CYRIA: variants seen among roughly 807,000 people sequenced by gnomAD.
CYRIA encodes CYFIP-related Rac1 interactor A.
In CYRIA, 15 loss-of-function variants were observed where a neutral mutation model predicts 43.9. The ratio of observed to expected loss-of-function variants is 0.34; its 90% CI spans 0.23 to 0.53. CYRIA has a LOEUF of 0.53. Ranked by LOEUF, CYRIA falls within the 20% of genes least tolerant of loss-of-function variation. The pLI is 0.94. For synonymous variants in CYRIA, 117 were observed against 136.0 expected, an observed-to-expected ratio of 0.86 and a Z score of 0.97; for missense variants, 236 against 394.2, an observed-to-expected ratio of 0.60 and a Z score of 3.40.
intron 2 of CYRIA, among the ~76,000 whole-genome samples, chr2:16,610,053 T>C: frequency 6.6e-6 from 1 of 152,194 alleles, no homozygotes; most frequent in East Asian, 1.9e-4. Flanking sequence ...CAACAAAAAA[T>C]GCAATTGAGT....
intron 1 of CYRIA, among the ~76,000 whole-genome samples, chr2:16,636,879 G>A (rs988888325): frequency 3.3e-5 from 5 of 152,210 alleles, no homozygotes; most frequent in Non-Finnish European, 5.9e-5. Context: ...GGAAGGCTGA[G>A]GTGGCAGAAT....
chr2:16,645,128 C>T (rs182257735), intron 1 of CYRIA, among the ~76,000 whole-genome samples: 4 of 152,240 alleles, frequency 2.6e-5, no homozygotes, highest in African/African-American at 4.8e-5. Flanking sequence ...TGAGAATCAA[C>T]GTTCTTTTCA....
At chr2:16,554,768 A>C (rs1218579269) in intron 11 of CYRIA, among the ~76,000 whole-genome samples, 1 of 152,198 alleles carries the variant, frequency 6.6e-6, no homozygotes, top group East Asian at 1.9e-4. Context: ...GCCCCAAAGC[A>C]GTGTGGCTGA....
Position 16,641,412 on chromosome 2 carries a change from C to A in CYRIA, c.-166-17393G>T, listed in dbSNP as rs965533534. On this transcript the variant is annotated intron_variant, in intron 1 of 11. Coordinates refer to ENST00000381323, the MANE Select transcript of CYRIA (RefSeq NM_030797.4). Reference sequence around the variant, plus strand: ...CCCTTTTTCTAAAATATTCTTCTTTCTCCTCCATTTGTTTAATTCTAAATC... The same window carrying A: ...CCCTTTTTCTAAAATATTCTTCTTTATCCTCCATTTGTTTAATTCTAAATC... Among the ~76,000 whole-genome samples, 41 of 152,242 alleles carry A rather than the reference C, an allele frequency of 2.7e-4. 1 individual carries two copies. The highest frequency in any genetic ancestry group is 2.6e-4 in the Non-Finnish European group (18 of 68,024).
chr2:16,561,475 T>A lies in CYRIA; in HGVS notation c.494A>T (p.Asn165Ile), dbSNP rs138219641. Residue 165 changes from asparagine (N) to isoleucine (I), a missense_variant, in exon 7 of 12, where the codon AAC (asparagine) becomes ATC (isoleucine). By Grantham distance (149) the Asn-to-Ile change is moderately radical. Transcript: ENST00000381323. ...ACTCACGTGCATGTTGTTGATGCGG[T>A]TGCGACTGATTGTTCTTCTGTAGTA... ...FSYYRRTISR[N>I]RINNMHLDIE... 1.9e-6 allele frequency: 3 copies of A among 1,613,704 alleles called. No individual in the cohort carries two copies. The highest frequency in any genetic ancestry group is 1.7e-6 in the Non-Finnish European group (2 of 1,179,798).
chr2:16,603,338 A>T (rs962076891), intron 2 of CYRIA, among the ~76,000 whole-genome samples: 1 of 152,166 alleles, frequency 6.6e-6, no homozygotes, highest in African/African-American at 2.4e-5. Flanking sequence ...TTTTACAACA[A>T]CCATATGAAA....
At chr2:16,562,486 G>A (rs1666772932) in intron 5 of CYRIA, among the ~76,000 whole-genome samples, 1 of 152,140 alleles carries the variant, frequency 6.6e-6, no homozygotes, top group Non-Finnish European at 1.5e-5. Context: ...CATGATTCAG[G>A]ATGAGATGAG....
At chr2:16,637,444 T>C (rs1043193502) in intron 1 of CYRIA, among the ~76,000 whole-genome samples, 1 of 152,176 alleles carries the variant, frequency 6.6e-6, no homozygotes, top group Admixed American at 6.5e-5. Context: ...CATATGAGGA[T>C]GCAATGAGGA....
chr2:16,586,477 C>T (rs1437650374), intron 3 of CYRIA, among the ~76,000 whole-genome samples: 1 of 152,020 alleles, frequency 6.6e-6, no homozygotes, highest in African/African-American at 2.4e-5. Context: ...AGCTAAACCC[C>T]TTACCAAACC....
At chr2:16,580,750 T>C (rs1346035130) in intron 3 of CYRIA, among the ~76,000 whole-genome samples, 2 of 152,206 alleles carry the variant, frequency 1.3e-5, no homozygotes, top group African/African-American at 2.4e-5. Flanking sequence ...TTGTTTGTTA[T>C]ATTTGGTATT....
At chr2:16,589,701 C>T (rs1667853814) in intron 2 of CYRIA, among the ~76,000 whole-genome samples, 1 of 151,968 alleles carries the variant, frequency 6.6e-6, no homozygotes, top group Non-Finnish European at 1.5e-5. Context: ...AAATTACGTG[C>T]TTTTACTATT....
intron 10 of CYRIA, among the ~76,000 whole-genome samples, chr2:16,555,384 C>T (rs1295620384): frequency 6.6e-6 from 1 of 152,024 alleles, no homozygotes; most frequent in African/African-American, 2.4e-5. Context: ...ATTTCACTTG[C>T]CTGGCTTTAG....
At chr2:16,553,434 C>A (rs943023704) in intron 11 of CYRIA, among the ~76,000 whole-genome samples, 2 of 152,076 alleles carry the variant, frequency 1.3e-5, no homozygotes, top group African/African-American at 4.8e-5. Context: ...CACAAGGGGG[C>A]ACAAATGCTG....
At chr2:16,639,421 G>GAA (rs1669606686) in intron 1 of CYRIA, among the ~76,000 whole-genome samples, 1 of 152,234 alleles carries the variant, frequency 6.6e-6, no homozygotes, top group Admixed American at 6.5e-5. Context: ...GATGGGCACA[G>GAA]AAATGCCCAG....
chr2:16,652,912 A>G, intron 1 of CYRIA, among the ~76,000 whole-genome samples: 1 of 152,196 alleles, frequency 6.6e-6, no homozygotes, highest in East Asian at 1.9e-4. Context: ...CAGCTGGTTA[A>G]TGGGGATTTA....
intron 1 of CYRIA, among the ~76,000 whole-genome samples, chr2:16,625,952 G>C (rs1264062953): frequency 6.6e-6 from 1 of 151,804 alleles, no homozygotes; most frequent in Non-Finnish European, 1.5e-5. Context: ...ACAAAACCAA[G>C]AGGGTCAGTC....
intron 2 of CYRIA, among the ~76,000 whole-genome samples, chr2:16,617,278 C>T (rs1046984002): frequency 2.6e-5 from 4 of 152,194 alleles, no homozygotes; most frequent in African/African-American, 7.2e-5. Flanking sequence ...TCAGCAGTCA[C>T]GATTCTTCAT....
intron 1 of CYRIA, among the ~76,000 whole-genome samples, chr2:16,632,004 T>G (rs1282598538): frequency 6.6e-6 from 1 of 152,164 alleles, no homozygotes; most frequent in Non-Finnish European, 1.5e-5. Context: ...ACAGACCACC[T>G]CAAAGCTTCC....
Position 16,659,565 on chromosome 2 carries a change from C to T in CYRIA, c.-167+6215G>A, listed in dbSNP as rs901797644. On this transcript the variant is annotated intron_variant, in intron 1 of 11. Transcript: ENST00000381323. ...AGTGGGCAGCGTGACTACAAGACCCCGGGTCTTCTTGGACTCTCCACTTGC... is the reference window on the plus strand; with the variant it reads ...AGTGGGCAGCGTGACTACAAGACCCTGGGTCTTCTTGGACTCTCCACTTGC... Among the ~76,000 whole-genome samples, 37 of 152,284 alleles carry T rather than the reference C, an allele frequency of 2.4e-4. No individual in the cohort carries two copies. In the East Asian group the frequency reaches 3.9e-3, roughly 16 times the overall value.
Sources: allele counts gnomAD v4.1 joint callset (sites outside exome capture counted in the v4.1 genomes callset), GRCh38; gene constraint gnomAD v4.1.1; transcripts MANE v1.5; gene names NCBI Gene and HGNC (gene_info 2026-07-23, HGNC 2026-07-21).